PGR: variants seen among roughly 807,000 people sequenced by gnomAD.
PGR encodes the protein nuclear receptor subfamily 3 group C member 3.
PGR carries 25 observed loss-of-function variants against 76.1 expected under a neutral mutation model. That is an observed-to-expected ratio of 0.33 (90% CI 0.24 to 0.46). The LOEUF is 0.46. Among genes scored for constraint, PGR ranks in the 20% least tolerant of loss-of-function variants. The pLI, the probability that PGR is intolerant of heterozygous loss-of-function variation, is 1.00. For synonymous variants in PGR, 579 were observed against 535.0 expected, an observed-to-expected ratio of 1.08 and a Z score of -1.14; for missense variants, 1,172 against 1,225.3, an observed-to-expected ratio of 0.96 and a Z score of 0.65.
chr11:101,102,147 G>A (rs1004889594), intron 2 of PGR, among the ~76,000 whole-genome samples: 2 of 152,182 alleles, frequency 1.3e-5, no homozygotes, highest in East Asian at 3.9e-4. Flanking sequence ...ACTAAACAGA[G>A]TTGCTAACCA....
chr11:101,062,415 T>C, intron 4 of PGR, 32 bp downstream of exon 4: 3 of 1,501,916 alleles, frequency 2.0e-6, no homozygotes, highest in Non-Finnish European at 2.8e-6. Flanking sequence ...GTATATTTTT[T>C]ATTACATGCT....
rs1486367091 is a variant in PGR at position 101,127,572 on chromosome 11, G to C, written c.1499C>G (p.Ala500Gly). The C allele has an allele frequency of 2.2e-6, 3 of 1,370,680 alleles. No homozygotes were observed. In the South Asian group the frequency reaches 5.4e-5, roughly 25 times the overall value. The allele number at this position is 1,370,680 out of a possible 1,614,324, so 84.9% of individuals were successfully genotyped here. ...LPRDGLPSTS[A>G]SAAAAGAAPA... ...GGCCGCCCCGGCGGCGGCGGCAGAG[G>C]CGGAGGTGGAGGGCAGGCCGTCCCG... is the stretch of plus-strand genomic sequence containing the variant. The change falls in exon 1 of 8, where the codon GCC (alanine) becomes GGC (glycine). Residue 500 changes from alanine (A) to glycine (G), a missense_variant. Coordinates refer to ENST00000325455, the MANE Select transcript of PGR (RefSeq NM_000926.4).
chr11:101,119,427 A>G (rs1862607170), intron 2 of PGR, among the ~76,000 whole-genome samples: 1 of 151,434 alleles, frequency 6.6e-6, no homozygotes, highest in South Asian at 2.1e-4. Flanking sequence ...TATAACTCAG[A>G]TGTGATTTTC....
rs775074026 is a variant in PGR at position 101,127,976 on chromosome 11, G to C, written c.1095C>G (p.Pro365=). The C allele has an allele frequency of 1.5e-5, 24 of 1,612,018 alleles. No individual in the cohort carries two copies. Among genetic ancestry groups the C allele is most frequent in the Non-Finnish European group, 1.9e-5 (23 of 1,179,850 alleles). The change falls in exon 1 of 8, where the codon CCC becomes CCG. Residue 365 remains proline, a synonymous_variant. Coordinates refer to ENST00000325455, the MANE Select transcript of PGR (RefSeq NM_000926.4). ...ACGCGTCGTCCTTGGGCTCGGCGTC[G>C]GGCGGGTACGCGCAGTCGGGGAAGT... is the stretch of plus-strand genomic sequence containing the variant. ...VGDFPDCAYP[P]DAEPKDDAYP...
chr11:101,119,692 TAAAG>T (rs1862615475), intron 2 of PGR, among the ~76,000 whole-genome samples: 1 of 152,020 alleles, frequency 6.6e-6, no homozygotes, highest in South Asian at 2.1e-4. Flanking sequence ...ATAAACCAAA[TAAAG>T]AAATACAGAG....
intron 2 of PGR, among the ~76,000 whole-genome samples, chr11:101,108,245 G>A (rs1303011888): frequency 1.3e-4 from 15 of 116,934 alleles, no homozygotes; most frequent in African/African-American, 3.5e-4. Flanking sequence ...ATGAGACTCC[G>A]TCTAAAAAAA....
rs527861695 is a variant in PGR at position 101,068,133 on chromosome 11, AT to A, written c.1907-5382del. ...TCTATATGTCATTTGCTTTATGTGC[AT>A]TTTTTTATGAATAAAATATATTAAA... On this transcript the variant is annotated intron_variant, in intron 3 of 7. Transcript: ENST00000325455. Among the ~76,000 whole-genome samples the A allele has an allele frequency of 5.3e-3, 804 of 152,182 alleles. 10 individuals carry two copies. The highest frequency in any genetic ancestry group is 0.016 in the African/African-American group (681 of 41,536).
In PGR at chr11:101,127,643, C is replaced by G; in HGVS notation, c.1428G>C (p.Ala476=). Residue 476 remains alanine (A), a synonymous_variant, in exon 1 of 8, where the codon GCG becomes GCC. Coordinates refer to ENST00000325455, the MANE Select transcript of PGR (RefSeq NM_000926.4). ...CGCCCGGCGCCTTGCAGGGCGGCGG[C>G]GCGAACGGGCCCTGCTGGGGCGGCG... is the stretch of plus-strand genomic sequence containing the variant. The part of the protein sequence containing the change: ...EGAPPQQGPF[A]PPPCKAPGAS... The G allele has an allele frequency of 7.1e-7, 1 of 1,405,014 alleles. No homozygotes were observed. Among genetic ancestry groups the G allele is most frequent in the Non-Finnish European group, 9.2e-7 (1 of 1,085,210 alleles). The allele number at this position is 1,405,014 out of a possible 1,614,324, so 87.0% of individuals were successfully genotyped here.
intron 3 of PGR, among the ~76,000 whole-genome samples, chr11:101,089,911 G>A (rs944093727): frequency 1.1e-4 from 16 of 152,106 alleles, no homozygotes; most frequent in Non-Finnish European, 2.9e-5. Context: ...TGAATAATAT[G>A]CTAAAGGCCG....
At chr11:101,113,191 A>C (rs1862396090) in intron 2 of PGR, among the ~76,000 whole-genome samples, 1 of 152,144 alleles carries the variant, frequency 6.6e-6, no homozygotes, top group South Asian at 2.1e-4. Context: ...TTCAAACAGA[A>C]GTTACCTCCT....
intron 6 of PGR, among the ~76,000 whole-genome samples, chr11:101,045,665 TTGTGTGTGTGTG>T (rs5794091): frequency 2.7e-5 from 4 of 149,134 alleles, no homozygotes; most frequent in African/African-American, 7.4e-5. Context: ...CTATTCCATT[TTGTGTGTGTGTG>T]TGTGTGTGTG....
intron 2 of PGR, among the ~76,000 whole-genome samples, chr11:101,115,125 G>A (rs896765285): frequency 4.6e-5 from 7 of 151,982 alleles, no homozygotes; most frequent in South Asian, 2.1e-4. Flanking sequence ...ATATATAATC[G>A]TAAGGGATTC....
chr11:101,127,467 G>A lies in PGR; in HGVS notation c.1604C>T (p.Pro535Leu), dbSNP rs1442474199. 6.4e-7 allele frequency: 1 copy of A among 1,561,280 alleles called. No homozygotes were observed. Among genetic ancestry groups the A allele is most frequent in the East Asian group, 2.5e-5 (1 of 40,018 alleles). The change falls in exon 1 of 8, where the codon CCG becomes CTG. Residue 535 changes from proline to leucine, a missense_variant. Pro to Leu is a moderately conservative substitution (Grantham distance 98). Around this residue, in one of 4 missense-constraint regions of PGR, gnomAD observed 893 missense variants for 785.9 expected, o/e 1.14. Transcript: ENST00000325455. Reference protein sequence around the residue: ...YQAAVLKEGLPQVYPPYLNYL... With the variant: ...YQAAVLKEGLLQVYPPYLNYL... ...GTTGAGATAGGGCGGGTAGACCTGC[G>A]GCAGGCCCTCCTTGAGCACGGCGGC...
At position 101,078,064 on chromosome 11, in the gene PGR, A is replaced by G. The variant is rs11571198; in HGVS notation, c.1906+13696T>C. On this transcript the variant is annotated intron_variant, in intron 3 of 7. Transcript: ENST00000325455. ...TGCAGTTCTTCCAAAGAAGACTTGTAGCCTTGTTGGCTGTCAAGTGTAGGA... is the reference window on the plus strand; with the variant it reads ...TGCAGTTCTTCCAAAGAAGACTTGTGGCCTTGTTGGCTGTCAAGTGTAGGA... Among the ~76,000 whole-genome samples, 1,226 of 152,354 alleles carry G rather than the reference A, an allele frequency of 8.0e-3. 17 individuals carry two copies. Among genetic ancestry groups the G allele is most frequent in the African/African-American group, 0.026 (1,082 of 41,588 alleles).
chr11:101,045,861 G>C (rs1002347928), intron 6 of PGR, among the ~76,000 whole-genome samples: 2 of 152,038 alleles, frequency 1.3e-5, no homozygotes, highest in African/African-American at 4.8e-5. Context: ...TAGATATCCA[G>C]TGGTGGGATT....
rs780349746 is a variant in PGR, at chr11:101,126,028, A to G, written c.1768T>C (p.Phe590Leu). ...CTACCTTCCATTGCCCTCTTAAAGA[A>G]GACCTTACAGCTCCCACAGGTAAGG... is the stretch of plus-strand genomic sequence containing the variant. Reference protein sequence around the residue: ...GVLTCGSCKVFFKRAMEGQHN... With the variant: ...GVLTCGSCKVLFKRAMEGQHN... The change falls in exon 2 of 8, where the codon TTC (phenylalanine) becomes CTC (leucine). Residue 590 changes from phenylalanine to leucine, a missense_variant. By Grantham distance (22) the Phe-to-Leu change is conservative. Transcript: ENST00000325455. The G allele has an allele frequency of 1.2e-6, 2 of 1,614,116 alleles. No homozygotes were observed. The highest frequency in any genetic ancestry group is 1.7e-6 in the Non-Finnish European group (2 of 1,179,980).
At chr11:101,078,946 G>A (rs1315481771) in intron 3 of PGR, among the ~76,000 whole-genome samples, 1 of 152,078 alleles carries the variant, frequency 6.6e-6, no homozygotes, top group Non-Finnish European at 1.5e-5. Flanking sequence ...AAAGACCAAT[G>A]GAACAGAATA....
chr11:101,109,306 G>A (rs373608955), intron 2 of PGR, among the ~76,000 whole-genome samples: 3 of 152,212 alleles, frequency 2.0e-5, no homozygotes, highest in African/African-American at 7.2e-5. Flanking sequence ...CAAAAGCCAA[G>A]ACAGGCCAAA....
In PGR at chr11:101,037,823, G is replaced by GA. The variant is rs1859560370; in HGVS notation, c.*1292dup. On this transcript the variant is annotated 3_prime_UTR_variant, in exon 8 of 8. Coordinates refer to ENST00000325455, the MANE Select transcript of PGR (RefSeq NM_000926.4). ...ATCTACAGTAATACCAAGACAGAGA[G>GA]AAAATGTCATTCAACTCTCAGTCAG... 4.5e-6 allele frequency: 1 copy of GA among 223,928 alleles called. No individual in the cohort carries two copies. The highest frequency in any genetic ancestry group is 5.7e-5 in the Admixed American group (1 of 17,422). 13.9% of individuals were successfully genotyped at this position (223,928 alleles called of 1,614,324 possible).
Sources: gnomAD v4.1 joint callset for allele counts (sites outside exome capture counted in the v4.1 genomes callset) on GRCh38, gnomAD v4.1.1 for gene constraint, gnomAD v4.1.1 regional missense constraint, MANE v1.5 for transcripts, NCBI Gene and HGNC (gene_info 2026-07-23, HGNC 2026-07-21) for gene names.